Variants in RNGTT observed in about 807,000 individuals in gnomAD.
RNGTT encodes mRNA-capping enzyme.
RNGTT carries 33 observed loss-of-function variants against 79.3 expected under a neutral mutation model. The observed-to-expected ratio is 0.42, with a 90% CI of 0.32 to 0.56. The LOEUF (loss-of-function observed/expected upper bound fraction) is 0.56, where lower values mean the gene tolerates loss of function less well. RNGTT is among the 20% of genes least tolerant of loss of function. The pLI, the probability that RNGTT is intolerant of heterozygous loss-of-function variation, is 0.17. For missense variants in RNGTT, 497 were observed against 739.1 expected, an observed-to-expected ratio of 0.67 and a Z score of 3.80; for synonymous variants, 222 against 235.9, an observed-to-expected ratio of 0.94 and a Z score of 0.54.
intron 6 of RNGTT, among the ~76,000 whole-genome samples, chr6:88,901,121 G>C (rs1182243316): frequency 6.6e-6 from 1 of 150,628 alleles, no homozygotes; most frequent in Non-Finnish European, 1.5e-5. Flanking sequence ...CAGCCTTGGT[G>C]ACAGAGCTAG....
At chr6:88,812,985 CT>C (rs371836629) in intron 11 of RNGTT, among the ~76,000 whole-genome samples, 29 of 152,232 alleles carry the variant, frequency 1.9e-4, no homozygotes, top group African/African-American at 6.7e-4. Flanking sequence ...ACATACAAAA[CT>C]ACTAATATAT....
At chr6:88,654,434 ATTTC>A (rs1158325868) in intron 14 of RNGTT, among the ~76,000 whole-genome samples, 1 of 151,924 alleles carries the variant, frequency 6.6e-6, no homozygotes, top group East Asian at 1.9e-4. Context: ...TCTTACCTTT[ATTTC>A]TTTCTCTATC....
chr6:88,698,221 TC>T (rs1269954940), intron 13 of RNGTT, among the ~76,000 whole-genome samples: 15 of 78,532 alleles, frequency 1.9e-4, no homozygotes, highest in African/African-American at 1.8e-3. Flanking sequence ...AATATATATA[TC>T]ATATATATAT....
At chr6:88,885,131 C>T (rs1363249393) in intron 8 of RNGTT, among the ~76,000 whole-genome samples, 1 of 152,080 alleles carries the variant, frequency 6.6e-6, no homozygotes, top group Non-Finnish European at 1.5e-5. Context: ...CACACACACA[C>T]ACACACACAT....
chr6:88,716,857 A>G (rs998422247), intron 13 of RNGTT, among the ~76,000 whole-genome samples: 77 of 152,264 alleles, frequency 5.1e-4, no homozygotes, highest in African/African-American at 1.7e-3. Flanking sequence ...TAGGAGATAT[A>G]CCTAATGTTA....
At position 88,703,998 on chromosome 6, in the gene RNGTT, G is replaced by A. The variant is rs964831238; in HGVS notation, c.1440-25579C>T. Among the ~76,000 whole-genome samples the A allele has an allele frequency of 1.3e-4, 20 of 152,172 alleles. No homozygotes were observed. In the East Asian group the frequency reaches 2.3e-3, roughly 18 times the overall value. On this transcript the variant is annotated intron_variant, in intron 13 of 15. Coordinates refer to ENST00000369485, the MANE Select transcript of RNGTT (RefSeq NM_003800.5). ...CTTCAGGCCGGGTGCGGTGGCTCAC[G>A]CCTGTAATCCCAGCACTTTGGGAGG...
At chr6:88,650,106 C>CT (rs1773741794) in intron 14 of RNGTT, among the ~76,000 whole-genome samples, 1 of 152,132 alleles carries the variant, frequency 6.6e-6, no homozygotes, top group East Asian at 1.9e-4. Context: ...CTAAAAGGGT[C>CT]TGGGAGCCTG....
At chr6:88,724,123 G>T (rs1040116609) in intron 13 of RNGTT, among the ~76,000 whole-genome samples, 2 of 152,290 alleles carry the variant, frequency 1.3e-5, no homozygotes, top group Middle Eastern at 3.4e-3. Flanking sequence ...GTGAGCTAAG[G>T]TTAATTTATT....
chr6:88,707,669 A>G (rs1322783670), intron 13 of RNGTT, among the ~76,000 whole-genome samples: 1 of 150,970 alleles, frequency 6.6e-6, no homozygotes, highest in African/African-American at 2.4e-5. Flanking sequence ...TGCATAAAGT[A>G]GCCTTGAGTA....
At chr6:88,916,211 A>C (rs1434677165) in intron 4 of RNGTT, among the ~76,000 whole-genome samples, 1 of 152,230 alleles carries the variant, frequency 6.6e-6, no homozygotes, top group Non-Finnish European at 1.5e-5. Flanking sequence ...CAGGTGGCTC[A>C]TGCCTGTGAT....
rs530503522 is a variant in RNGTT, at chr6:88,637,525, C to G, written c.1507-23130G>C. 2.6e-5 allele frequency among the ~76,000 whole-genome samples: 4 copies of G among 152,198 alleles called. No homozygotes were observed. In the South Asian group the frequency reaches 6.2e-4, roughly 24 times the overall value. On this transcript the variant is annotated intron_variant, in intron 14 of 15. Coordinates refer to ENST00000369485, the MANE Select transcript of RNGTT (RefSeq NM_003800.5). ...AGATATCTGTGTCACAGATGTAACT[C>G]CTGAGCAGTGCCCCATGCAACCTAC...
At chr6:88,708,662 C>G (rs568074603) in intron 13 of RNGTT, among the ~76,000 whole-genome samples, 1 of 152,248 alleles carries the variant, frequency 6.6e-6, no homozygotes, top group African/African-American at 2.4e-5. Context: ...GCTGTTTTAC[C>G]CATGGCTCTG....
At chr6:88,690,823 T>C (rs143335792) in intron 13 of RNGTT, among the ~76,000 whole-genome samples, 10 of 152,290 alleles carry the variant, frequency 6.6e-5, no homozygotes, top group African/African-American at 2.4e-4. Context: ...GTTGAACATA[T>C]GACTACTCTA....
chr6:88,819,864 T>C (rs1780442916), intron 11 of RNGTT, among the ~76,000 whole-genome samples: 1 of 152,148 alleles, frequency 6.6e-6, no homozygotes, highest in African/African-American at 2.4e-5. Context: ...CATTTCTATC[T>C]ACCTGCTACA....
intron 14 of RNGTT, among the ~76,000 whole-genome samples, chr6:88,637,824 C>G (rs547365447): frequency 2.2e-4 from 34 of 152,170 alleles, no homozygotes; most frequent in African/African-American, 6.5e-4. Context: ...TTAAAAATGA[C>G]TTTTATGAGC....
chr6:88,757,522 C>T (rs1414920066), intron 13 of RNGTT, among the ~76,000 whole-genome samples: 30 of 152,002 alleles, frequency 2.0e-4, no homozygotes, highest in Non-Finnish European at 1.5e-5. Context: ...AAGGAATTTA[C>T]TAATATAAAC....
In RNGTT at chr6:88,698,325, T is replaced by C. The variant is rs527555478; in HGVS notation, c.1440-19906A>G. Among the ~76,000 whole-genome samples the C allele has an allele frequency of 4.3e-5, 6 of 139,978 alleles. No homozygotes were observed. In the South Asian group the frequency reaches 1.3e-3, roughly 30 times the overall value. 91.8% of individuals were successfully genotyped at this position (139,978 alleles called of 152,430 possible). On this transcript the variant is annotated intron_variant, in intron 13 of 15. Coordinates refer to ENST00000369485, the MANE Select transcript of RNGTT (RefSeq NM_003800.5). ...ATGAAATATATATATGAAATATATA[T>C]GAATTTTGGTAGGTATTGAATTATC...
At chr6:88,889,625 G>A (rs1782978189) in intron 8 of RNGTT, among the ~76,000 whole-genome samples, 1 of 152,036 alleles carries the variant, frequency 6.6e-6, no homozygotes. Context: ...GTTAATATCT[G>A]TTAAAATAAT....
At chr6:88,659,165 G>C (rs900252219) in intron 14 of RNGTT, among the ~76,000 whole-genome samples, 5 of 152,148 alleles carry the variant, frequency 3.3e-5, no homozygotes, top group African/African-American at 1.2e-4. Flanking sequence ...TTGAAGTCCA[G>C]ATCTATCCAC....
Sources: allele counts gnomAD v4.1 joint callset (sites outside exome capture counted in the v4.1 genomes callset), GRCh38; gene constraint gnomAD v4.1.1; transcripts MANE v1.5; gene names NCBI Gene and HGNC (gene_info 2026-07-23, HGNC 2026-07-21).